The following PCDHGB3 variants were observed in gnomAD, a reference collection of about 807,000 sequenced individuals.
PCDHGB3 encodes protocadherin gamma-B3.
A neutral mutation model predicts 59.2 loss-of-function variants in PCDHGB3; 40 were observed. The observed-to-expected ratio is 0.68, with a 90% CI of 0.52 to 0.88. The LOEUF is 0.88. PCDHGB3 is among the 40% of genes least tolerant of loss of function. The pLI is 0.00. For synonymous variants in PCDHGB3, 581 were observed against 503.6 expected, an observed-to-expected ratio of 1.15 and a Z score of -2.06; for missense variants, 1,309 against 1,187.9, an observed-to-expected ratio of 1.10 and a Z score of -1.50.
intron 2 of PCDHGB3, among the ~76,000 whole-genome samples, chr5:141,504,999 T>C (rs1278633184): frequency 6.6e-6 from 1 of 152,000 alleles, no homozygotes; most frequent in African/African-American, 2.4e-5. Context: ...CCGTCTGTAC[T>C]AAAAATACAA....
At chr5:141,381,826 CT>C (rs770630741) in intron 1 of PCDHGB3, among the ~76,000 whole-genome samples, 3,016 of 74,262 alleles carry the variant, frequency 0.041, 29 homozygotes, top group African/African-American at 0.078. Flanking sequence ...CTTTCTTCTT[CT>C]TTTTTTTTTT....
At chr5:141,389,552 T>C (rs752525339) in intron 1 of PCDHGB3, 14 of 1,613,104 alleles carry the variant, frequency 8.7e-6, no homozygotes, top group East Asian at 6.7e-5. Context: ...GCAACGACAA[T>C]GCGCCACGGG....
chr5:141,489,271 G>A lies in PCDHGB3; in HGVS notation c.2416-5536G>A, dbSNP rs1431562179. The A allele has an allele frequency of 2.4e-5, 37 of 1,554,676 alleles. No individual in the cohort carries two copies. The highest frequency in any genetic ancestry group is 3.0e-5 in the Non-Finnish European group (35 of 1,150,770). ...GCCCAAGACACTCCCACAGCTCGCT[G>A]GGAAATGGCAAGTGCTGTGCATGTT... On this transcript the variant is annotated intron_variant, in intron 1 of 3. Transcript: ENST00000576222. The surrounding 1 kb of genome is among the most constrained non-coding windows in gnomAD (Gnocchi z 4.5).
At position 141,371,256 on chromosome 5, in the gene PCDHGB3, G is replaced by A; in HGVS notation, c.862G>A (p.Val288Met). The A allele has an allele frequency of 1.2e-6, 2 of 1,614,052 alleles. No homozygotes were observed. Among genetic ancestry groups the A allele is most frequent in the East Asian group, 2.2e-5 (1 of 44,882 alleles). The change falls in exon 1 of 4, where the codon GTG becomes ATG. Residue 288 changes from valine (V) to methionine (M), a missense_variant. Val to Met is a conservative substitution (Grantham distance 21). Coordinates refer to ENST00000576222, the MANE Select transcript of PCDHGB3 (RefSeq NM_018924.5). Reference sequence around the variant, plus strand: ...TGCCTTCATCAATATTGGCAAGGAAGTGAGACAACTGTTCAAGCTGGACAG... The same window carrying A: ...TGCCTTCATCAATATTGGCAAGGAAATGAGACAACTGTTCAAGCTGGACAG... Reference protein sequence around the residue: ...IYAFINIGKEVRQLFKLDSKT... With the variant: ...IYAFINIGKEMRQLFKLDSKT...
chr5:141,457,868 G>T lies in PCDHGB3; in HGVS notation c.2416-36939G>T, dbSNP rs1479066479. ...AAAGTGACATTCTTCACTGACCACA[G>T]GTTAGGAACCCTGTGTGGGGACTGT... On this transcript the variant is annotated intron_variant, in intron 1 of 3. Transcript: ENST00000576222. Among the ~76,000 whole-genome samples the T allele has an allele frequency of 2.0e-5, 3 of 152,346 alleles. No individual in the cohort carries two copies. In the East Asian group the frequency reaches 5.8e-4, roughly 29 times the overall value.
rs745698097 is a variant in PCDHGB3 at position 141,389,267 on chromosome 5, G to C, written c.2415+16458G>C. The C allele has an allele frequency of 3.0e-5, 48 of 1,613,890 alleles. No individual in the cohort carries two copies. The highest frequency in any genetic ancestry group is 4.0e-5 in the Non-Finnish European group (47 of 1,179,898). On this transcript the variant is annotated intron_variant, in intron 1 of 3. Coordinates refer to ENST00000576222, the MANE Select transcript of PCDHGB3 (RefSeq NM_018924.5). ...CTTCCTATATAGTCCACGTGGCCGA[G>C]AACAACCCGCCTGGAGCCTCTATTT...
chr5:141,447,208 C>T (rs1226099966), intron 1 of PCDHGB3, among the ~76,000 whole-genome samples: 1 of 152,078 alleles, frequency 6.6e-6, no homozygotes, highest in Non-Finnish European at 1.5e-5. Flanking sequence ...GGCTTGATCT[C>T]GGCTCACTGC....
At chr5:141,374,514 A>G (rs762655024) in intron 1 of PCDHGB3, 6 of 1,612,112 alleles carry the variant, frequency 3.7e-6, no homozygotes, top group Non-Finnish European at 4.2e-6. Context: ...AAAATTCTCG[A>G]AAACGCAGCT....
chr5:141,375,043 A>G, intron 1 of PCDHGB3: 1 of 1,614,056 alleles, frequency 6.2e-7, no homozygotes, highest in Non-Finnish European at 8.5e-7. Context: ...TGGGTGTTGA[A>G]GCCCGGGATG....
chr5:141,497,131 A>G (rs1269110126), intron 2 of PCDHGB3, among the ~76,000 whole-genome samples: 3 of 152,122 alleles, frequency 2.0e-5, no homozygotes, highest in Admixed American at 6.6e-5. Flanking sequence ...GGTTGCAGTG[A>G]GCTGAGATCA....
rs1483845993 is a variant in PCDHGB3, at chr5:141,372,004, A to G, written c.1610A>G (p.Gln537Arg). The change falls in exon 1 of 4, where the codon CAG becomes CGG. Residue 537 changes from glutamine (Q) to arginine (R), a missense_variant. Transcript: ENST00000576222. ...AFELTLQARD[Q>R]GSPTLSANVS... ...GAGCTCACTCTGCAGGCCCGCGACC[A>G]GGGCTCGCCTACGCTCAGCGCCAAC... 5.0e-6 allele frequency: 8 copies of G among 1,613,122 alleles called. No homozygotes were observed. The highest frequency in any genetic ancestry group is 6.8e-6 in the Non-Finnish European group (8 of 1,179,734).
chr5:141,478,445 G>C (rs773567457), intron 1 of PCDHGB3: 1 of 1,613,570 alleles, frequency 6.2e-7, no homozygotes, highest in Non-Finnish European at 8.5e-7. Flanking sequence ...GAAGAAACCT[G>C]GTGCAGCCAG....
chr5:141,437,728 A>T (rs1236819934), intron 1 of PCDHGB3, among the ~76,000 whole-genome samples: 1 of 150,908 alleles, frequency 6.6e-6, no homozygotes, highest in Non-Finnish European at 1.5e-5. Context: ...CTAATGTTAC[A>T]CTTTGAGTTC....
Position 141,487,931 on chromosome 5 carries a change from G to A in PCDHGB3, c.2416-6876G>A. The stretch of plus-strand genomic sequence containing the variant: ...AGCACAGGAGGCTACAGTGCACAGG[G>A]TACAGTGCACCAGGCAGTCACTTGG... On this transcript the variant is annotated intron_variant, in intron 1 of 3. Transcript: ENST00000576222. The surrounding 1 kb of genome is among the most constrained non-coding windows in gnomAD (Gnocchi z 5.0). The A allele has an allele frequency of 1.6e-6, 1 of 612,954 alleles. No homozygotes were observed. The highest frequency in any genetic ancestry group is 2.8e-6 in the Non-Finnish European group (1 of 351,318). 38.0% of individuals were successfully genotyped at this position (612,954 alleles called of 1,614,324 possible). A position where few individuals can be genotyped will look rare whatever the true frequency, so the allele number is the denominator to read the frequency against.
chr5:141,409,171 C>G, intron 1 of PCDHGB3: 1 of 1,613,962 alleles, frequency 6.2e-7, no homozygotes, highest in South Asian at 1.1e-5. Flanking sequence ...AAGCGAAGGA[C>G]GGAGGTGGTC....
chr5:141,422,011 G>T (rs200879435), intron 1 of PCDHGB3: 2 of 1,610,252 alleles, frequency 1.2e-6, no homozygotes, highest in East Asian at 2.2e-5. Flanking sequence ...CGGAACTCGG[G>T]TGCTGATGGT....
intron 1 of PCDHGB3, among the ~76,000 whole-genome samples, chr5:141,380,336 G>C (rs1221282125): frequency 6.6e-6 from 1 of 152,060 alleles, no homozygotes; most frequent in Non-Finnish European, 1.5e-5. Flanking sequence ...GAACTTCAAA[G>C]AACTGTTTTG....
intron 1 of PCDHGB3, chr5:141,421,478 G>C: frequency 6.2e-7 from 1 of 1,614,130 alleles, no homozygotes. Context: ...CGAAGCGGCA[G>C]CTTGATCACG....
At chr5:141,465,293 G>A (rs1407146382) in intron 1 of PCDHGB3, among the ~76,000 whole-genome samples, 2 of 152,258 alleles carry the variant, frequency 1.3e-5, no homozygotes, top group South Asian at 2.1e-4. Flanking sequence ...AAAGAACTGA[G>A]AGTCCTGGGA....
Sources: gnomAD v4.1 joint callset for allele counts (sites outside exome capture counted in the v4.1 genomes callset) on GRCh38, gnomAD v4.1.1 for gene constraint, Gnocchi (gnomAD v3.1) non-coding constraint, MANE v1.5 for transcripts, NCBI Gene and HGNC (gene_info 2026-07-23, HGNC 2026-07-21) for gene names.